SPAG17: variants seen among roughly 807,000 people sequenced by gnomAD.
The protein encoded by SPAG17 is sperm associated antigen 17.
In SPAG17, 169 loss-of-function variants were observed where a neutral mutation model predicts 273.6. The observed-to-expected ratio is 0.62, with a 90% CI of 0.55 to 0.70. The LOEUF (loss-of-function observed/expected upper bound fraction) is 0.70, where lower values mean the gene tolerates loss of function less well. Among genes scored for constraint, SPAG17 ranks in the 30% least tolerant of loss-of-function variants. The probability of loss-of-function intolerance (pLI) is 0.00; values close to 1 mark genes in which losing one functional copy is unlikely to be tolerated. For synonymous variants in SPAG17, 825 were observed against 873.2 expected, an observed-to-expected ratio of 0.94 and a Z score of 0.97; for missense variants, 2,557 against 2,627.8, an observed-to-expected ratio of 0.97 and a Z score of 0.59.
intron 18 of SPAG17, among the ~76,000 whole-genome samples, chr1:118,065,716 T>C (rs1328039203): frequency 6.6e-6 from 1 of 152,070 alleles, no homozygotes; most frequent in Admixed American, 6.6e-5. Flanking sequence ...AACACCTAAA[T>C]TGATCCAGAA....
At chr1:118,093,031 C>T (rs1409506655) in intron 8 of SPAG17, 125 bp downstream of exon 8, 2 of 1,009,856 alleles carry the variant, frequency 2.0e-6, no homozygotes, top group African/African-American at 1.6e-5. Flanking sequence ...ATCTTTTATG[C>T]CAGTAGGCAG....
chr1:117,963,702 T>C (rs1371844469), intron 48 of SPAG17, 97 bp downstream of exon 48: 5 of 1,171,044 alleles, frequency 4.3e-6, no homozygotes, highest in East Asian at 5.0e-5. Context: ...AGGTGGCTTA[T>C]AGGTTTCTGA....
chr1:118,012,891 T>C (rs953126628), intron 29 of SPAG17, among the ~76,000 whole-genome samples: 3 of 152,202 alleles, frequency 2.0e-5, no homozygotes, highest in South Asian at 2.1e-4. Flanking sequence ...CTATGTCAAG[T>C]TGACCTGTGC....
rs1490507719 is a variant in SPAG17 at position 117,987,826 on chromosome 1, A to G, written c.5669+8T>C. 1.9e-5 allele frequency: 30 copies of G among 1,613,690 alleles called. No homozygotes were observed. Among genetic ancestry groups the G allele is most frequent in the Non-Finnish European group, 2.5e-5 (29 of 1,179,828 alleles). On this transcript the variant is annotated splice_region_variant and intron_variant, in intron 40 of 48. Transcript: ENST00000336338. ...CAGGTCCTTATGTGCGTTTTGGGGT[A>G]TAATTACCTCGTTTTGTCTATCTTT...
chr1:117,985,730 T>G (rs1381252306), intron 40 of SPAG17, among the ~76,000 whole-genome samples: 1 of 152,178 alleles, frequency 6.6e-6, no homozygotes, highest in Admixed American at 6.5e-5. Flanking sequence ...CTAAAAAACT[T>G]AAGTTTTGCA....
chr1:118,021,355 CTA>C (rs777525126), intron 28 of SPAG17, among the ~76,000 whole-genome samples: 3 of 151,970 alleles, frequency 2.0e-5, no homozygotes, highest in Non-Finnish European at 2.9e-5. Flanking sequence ...AAAGGTAAAA[CTA>C]TACAGACAAT....
At chr1:118,132,824 T>C (rs536259661) in intron 3 of SPAG17, among the ~76,000 whole-genome samples, 1 of 152,304 alleles carries the variant, frequency 6.6e-6, no homozygotes. Context: ...CAGGCTGGAG[T>C]GCAGTGGTGC....
At chr1:118,059,687 A>C (rs952025235) in intron 18 of SPAG17, among the ~76,000 whole-genome samples, 1 of 152,086 alleles carries the variant, frequency 6.6e-6, no homozygotes, top group Non-Finnish European at 1.5e-5. Flanking sequence ...TAGTCATTAT[A>C]TGTCTTTCTT....
intron 30 of SPAG17, among the ~76,000 whole-genome samples, chr1:118,011,874 A>C (rs1360017186): frequency 6.6e-6 from 1 of 152,134 alleles, no homozygotes; most frequent in Non-Finnish European, 1.5e-5. Context: ...TCACAACTAA[A>C]AATAAGTATC....
chr1:118,143,701 T>C (rs1658807920), intron 3 of SPAG17, among the ~76,000 whole-genome samples: 1 of 152,144 alleles, frequency 6.6e-6, no homozygotes, highest in Non-Finnish European at 1.5e-5. Flanking sequence ...AACAGAATGA[T>C]ACAATCTTCT....
intron 28 of SPAG17, among the ~76,000 whole-genome samples, chr1:118,018,824 G>A (rs1660221267): frequency 6.6e-6 from 1 of 152,090 alleles, no homozygotes; most frequent in South Asian, 2.1e-4. Flanking sequence ...TCTATACCTA[G>A]TGAAATTATC....
intron 3 of SPAG17, among the ~76,000 whole-genome samples, chr1:118,118,413 G>A (rs534756601): frequency 3.9e-5 from 6 of 152,236 alleles, no homozygotes; most frequent in Non-Finnish European, 8.8e-5. Flanking sequence ...GCAGTGCTTG[G>A]GGAGTAATTA....
chr1:118,079,414 C>T (rs1181254839), intron 15 of SPAG17, among the ~76,000 whole-genome samples: 3 of 151,830 alleles, frequency 2.0e-5, no homozygotes, highest in African/African-American at 7.2e-5. Context: ...TTTCTTTATT[C>T]CTTATATGAT....
intron 43 of SPAG17, among the ~76,000 whole-genome samples, chr1:117,978,961 T>G (rs10923453): frequency 0.91 from 137,428 of 151,548 alleles, 62,446 homozygotes; most frequent in Admixed American, 0.93. Context: ...TCTACCTCCC[T>G]GGTTCAAGCG....
Position 118,115,413 on chromosome 1 carries a change from T to C in SPAG17, c.344A>G (p.Asp115Gly). The C allele has an allele frequency of 6.2e-7, 1 of 1,613,432 alleles. No individual in the cohort carries two copies. The highest frequency in any genetic ancestry group is 1.6e-4 in the Middle Eastern group (1 of 6,062). ...EVLTAAKAIM[D>G]SGEKLTLPLI... ...TGGTAAGGTTAATTTCTCTCCACTATCCATAATTGCTTTTGCTGCCGTTAA... is the reference window on the plus strand; with the variant it reads ...TGGTAAGGTTAATTTCTCTCCACTACCCATAATTGCTTTTGCTGCCGTTAA... The change falls in exon 4 of 49, where the codon GAT becomes GGT. Residue 115 changes from aspartate to glycine, a missense_variant. Coordinates refer to ENST00000336338, the MANE Select transcript of SPAG17 (RefSeq NM_206996.4).
rs567150199 is a variant in SPAG17 at position 118,128,705 on chromosome 1, A to G, written c.316-13264T>C. 1.8e-4 allele frequency among the ~76,000 whole-genome samples: 27 copies of G among 152,174 alleles called. No homozygotes were observed. In the South Asian group the frequency reaches 4.6e-3, roughly 26 times the overall value. ...GTCCCTGAACTTCCTGCACCCCAAC[A>G]CTGGAGCACTAGATGTGTTAATTTA... is the stretch of plus-strand genomic sequence containing the variant. On this transcript the variant is annotated intron_variant, in intron 3 of 48. Coordinates refer to ENST00000336338, the MANE Select transcript of SPAG17 (RefSeq NM_206996.4).
chr1:118,007,933 G>T, intron 31 of SPAG17, 111 bp downstream of exon 31: 1 of 1,112,860 alleles, frequency 9.0e-7, no homozygotes, highest in Non-Finnish European at 1.3e-6. Flanking sequence ...ATAAGAGAAT[G>T]AAAGCAACAG....
chr1:118,171,561 AAGTC>A (rs771673347), intron 1 of SPAG17, among the ~76,000 whole-genome samples: 118 of 152,264 alleles, frequency 7.7e-4, no homozygotes, highest in Non-Finnish European at 1.3e-3. Context: ...CTAAATGTGA[AAGTC>A]AGAGGATAAA....
chr1:118,184,986 G>A (rs370096808), intron 1 of SPAG17, 85 bp downstream of exon 1: 21 of 1,140,428 alleles, frequency 1.8e-5, no homozygotes, highest in East Asian at 1.2e-4. Context: ...AAGAGAGGGC[G>A]AGCCTTAAGG....
Sources: allele counts gnomAD v4.1 joint callset (sites outside exome capture counted in the v4.1 genomes callset), GRCh38; gene constraint gnomAD v4.1.1; transcripts MANE v1.5; gene names NCBI Gene and HGNC (gene_info 2026-07-23, HGNC 2026-07-21).